The following SRPK2 variants were observed in gnomAD, a reference collection of about 807,000 sequenced individuals.
The protein encoded by SRPK2 is SRSF protein kinase 2.
A neutral mutation model predicts 90.8 loss-of-function variants in SRPK2; 21 were observed. The observed-to-expected ratio is 0.23, with a 90% CI of 0.16 to 0.33. The LOEUF is 0.33. SRPK2 is among the 10% of genes least tolerant of loss of function. The pLI is 1.00. For missense variants in SRPK2, 620 were observed against 869.0 expected, an observed-to-expected ratio of 0.71 and a Z score of 3.60; for synonymous variants, 288 against 311.1, an observed-to-expected ratio of 0.93 and a Z score of 0.78.
At chr7:105,391,240 T>C (rs922718487), upstream of SRPK2, among the ~76,000 whole-genome samples, 2 of 151,580 alleles carry the variant, frequency 1.3e-5, no homozygotes, top group African/African-American at 2.4e-5. Flanking sequence ...AATTTCGCTC[T>C]TGTTGCCCAG....
intron 2 of SRPK2, among the ~76,000 whole-genome samples, chr7:105,364,890 G>A (rs182957182): frequency 1.3e-5 from 2 of 152,218 alleles, no homozygotes; most frequent in East Asian, 3.9e-4. Flanking sequence ...CCTGACTCCA[G>A]GGACAAAGCA....
At chr7:105,130,968 C>A (rs1801917576) in intron 13 of SRPK2, among the ~76,000 whole-genome samples, 1 of 152,178 alleles carries the variant, frequency 6.6e-6, no homozygotes, top group Admixed American at 6.5e-5. Flanking sequence ...TGCCACTGTT[C>A]ACAGCAATAG....
intron 3 of SRPK2, among the ~76,000 whole-genome samples, chr7:105,182,541 T>TC (rs1265688225): frequency 7.1e-6 from 1 of 141,240 alleles, no homozygotes; most frequent in African/African-American, 2.6e-5. Flanking sequence ...AACCTCCACC[T>TC]CCTGGGTTCA....
chr7:105,199,896 T>TAA (rs67036595), intron 3 of SRPK2, among the ~76,000 whole-genome samples: 2 of 138,010 alleles, frequency 1.4e-5, no homozygotes, highest in African/African-American at 2.7e-5. Context: ...TTGTTTAATT[T>TAA]AAAAAAAAAA....
intron 2 of SRPK2, among the ~76,000 whole-genome samples, chr7:105,328,722 G>T (rs1257357797): frequency 6.6e-6 from 1 of 150,574 alleles, no homozygotes; most frequent in African/African-American, 2.4e-5. Flanking sequence ...AAAATTAGCC[G>T]GGCATAGCGG....
At chr7:105,173,332 C>T (rs1185177911) in intron 3 of SRPK2, among the ~76,000 whole-genome samples, 1 of 152,146 alleles carries the variant, frequency 6.6e-6, no homozygotes, top group African/African-American at 2.4e-5. Flanking sequence ...ATTTTGAAAA[C>T]GTGATATACA....
intron 2 of SRPK2, among the ~76,000 whole-genome samples, chr7:105,287,404 CATATACATGTGT>C (rs1366260318): frequency 6.6e-6 from 1 of 151,230 alleles, no homozygotes; most frequent in Admixed American, 6.6e-5. Context: ...TTCACAGGTA[CATATACATGTGT>C]ATATACATGT....
chr7:105,157,849 T>C (rs1238207284), intron 7 of SRPK2, among the ~76,000 whole-genome samples: 2 of 152,124 alleles, frequency 1.3e-5, no homozygotes, highest in Admixed American at 1.3e-4. Context: ...GAAGACTGCT[T>C]GAGTCCAGGA....
intron 2 of SRPK2, among the ~76,000 whole-genome samples, chr7:105,260,654 C>G (rs191646600): frequency 6.6e-6 from 1 of 152,236 alleles, no homozygotes; most frequent in African/African-American, 2.4e-5. Context: ...CAATGATAGA[C>G]TGGATTAAGA....
rs76799177 is a variant in SRPK2, at chr7:105,377,045, T to C, written c.71+11603A>G. 3.3e-3 allele frequency among the ~76,000 whole-genome samples: 503 copies of C among 152,246 alleles called. 3 individuals are homozygous for C. Among genetic ancestry groups the C allele is most frequent in the African/African-American group, 0.012 (481 of 41,534 alleles). On this transcript the variant is annotated intron_variant, in intron 2 of 15. Transcript: ENST00000393651. ...CACTGTGCTAAGATAGTTCCAGCTA[T>C]AGTCTCTAATGATTTTCTAACTGCC...
chr7:105,318,137 C>A (rs1017534255), intron 2 of SRPK2, among the ~76,000 whole-genome samples: 1 of 152,204 alleles, frequency 6.6e-6, no homozygotes, highest in Non-Finnish European at 1.5e-5. Flanking sequence ...CTCTGTCACC[C>A]AGGCTTGAAT....
intron 2 of SRPK2, among the ~76,000 whole-genome samples, chr7:105,225,349 C>T (rs878894725): frequency 6.6e-6 from 1 of 152,220 alleles, no homozygotes; most frequent in Admixed American, 6.5e-5. Flanking sequence ...TGGTTCTTAA[C>T]GCTAGAGCAA....
intron 2 of SRPK2, chr7:105,206,675 G>A (rs921453765): frequency 5.3e-5 from 8 of 152,098 alleles, no homozygotes; most frequent in Admixed American, 2.0e-4. Flanking sequence ...TGGGGTTATC[G>A]GGCACATGAA....
At chr7:105,168,224 G>T in intron 4 of SRPK2, 129 bp from the exon 5 acceptor site, 1 of 702,596 alleles carries the variant, frequency 1.4e-6, no homozygotes, top group South Asian at 1.9e-5. Context: ...AAAACATTAT[G>T]AGTGTGTCAA....
intron 2 of SRPK2, among the ~76,000 whole-genome samples, chr7:105,310,908 C>G (rs114194419): frequency 1.3e-5 from 2 of 152,030 alleles, no homozygotes; most frequent in East Asian, 3.9e-4. Context: ...AAGCCAAATC[C>G]ACCCTTCCAC....
chr7:105,360,456 G>A (rs1818299207), intron 2 of SRPK2, among the ~76,000 whole-genome samples: 1 of 152,196 alleles, frequency 6.6e-6, no homozygotes, highest in Non-Finnish European at 1.5e-5. Context: ...AGTTGATGCA[G>A]TTTCCTCATA....
intron 2 of SRPK2, among the ~76,000 whole-genome samples, chr7:105,251,626 T>C (rs1802492239): frequency 6.6e-6 from 1 of 152,246 alleles, no homozygotes; most frequent in South Asian, 2.1e-4. Flanking sequence ...CATCATTTAA[T>C]TGTAAACCTT....
At chr7:105,139,249 G>A (rs938935165) in intron 11 of SRPK2, among the ~76,000 whole-genome samples, 3 of 152,090 alleles carry the variant, frequency 2.0e-5, no homozygotes, top group Non-Finnish European at 2.9e-5. Context: ...AAGGCAGGTG[G>A]GGAGAAAAGC....
chr7:105,153,324 T>C (rs1806007840), intron 7 of SRPK2, among the ~76,000 whole-genome samples: 1 of 152,148 alleles, frequency 6.6e-6, no homozygotes, highest in Admixed American at 6.5e-5. Flanking sequence ...TCAGAGAAAG[T>C]TCCTTCTTTT....
Sources: gnomAD v4.1 joint callset for allele counts (sites outside exome capture counted in the v4.1 genomes callset) on GRCh38, gnomAD v4.1.1 for gene constraint, MANE v1.5 for transcripts, NCBI Gene and HGNC (gene_info 2026-07-23, HGNC 2026-07-21) for gene names.